Variants in GPC5 observed in about 807,000 individuals in gnomAD.
GPC5 encodes the protein glypican-5.
In GPC5, 47 loss-of-function variants were observed where a neutral mutation model predicts 53.9. The ratio of observed to expected loss-of-function variants is 0.87; its 90% CI spans 0.69 to 1.11. GPC5 has a LOEUF of 1.11. Ranked by LOEUF, GPC5 falls within the 50% of genes most tolerant of loss-of-function variation. The pLI, the probability that GPC5 is intolerant of heterozygous loss-of-function variation, is 0.00. For missense variants in GPC5, 748 were observed against 713.1 expected, an observed-to-expected ratio of 1.05 and a Z score of -0.56; for synonymous variants, 286 against 263.3, an observed-to-expected ratio of 1.09 and a Z score of -0.84.
At chr13:92,511,086 C>T (rs907973221) in intron 7 of GPC5, among the ~76,000 whole-genome samples, 1 of 152,298 alleles carries the variant, frequency 6.6e-6, no homozygotes, top group East Asian at 1.9e-4. Flanking sequence ...GGGTTCATTT[C>T]ATCTGAAAGG....
rs1881567856 is a variant in GPC5, at chr13:92,531,660, A to G, written c.1562-334622A>G. ...TCTGCCTTGCTTCAGTTCAAAAACCATTCCTCAAACTCTTCTGCTCCTATT... is the reference window on the plus strand; with the variant it reads ...TCTGCCTTGCTTCAGTTCAAAAACCGTTCCTCAAACTCTTCTGCTCCTATT... On this transcript the variant is annotated intron_variant, in intron 7 of 7. Coordinates refer to ENST00000377067, the MANE Select transcript of GPC5 (RefSeq NM_004466.6). 2.0e-5 allele frequency among the ~76,000 whole-genome samples: 3 copies of G among 152,128 alleles called. No individual in the cohort carries two copies. In the South Asian group the frequency reaches 6.2e-4, roughly 32 times the overall value.
chr13:91,594,822 G>A lies in GPC5; in HGVS notation c.326-98365G>A, dbSNP rs554867919. On this transcript the variant is annotated intron_variant, in intron 2 of 7. Transcript: ENST00000377067. ...GCCTCTCAAGAAGCTGGGACTAGAG[G>A]GCATACCACCATCTAGCTAATTTTA... Among the ~76,000 whole-genome samples, 6 of 151,770 alleles carry A rather than the reference G, an allele frequency of 4.0e-5. 1 individual carries two copies. The highest frequency in any genetic ancestry group is 1.4e-4 in the African/African-American group (6 of 41,394).
At chr13:91,466,422 C>A (rs979370547) in intron 2 of GPC5, among the ~76,000 whole-genome samples, 1 of 152,112 alleles carries the variant, frequency 6.6e-6, no homozygotes, top group African/African-American at 2.4e-5. Context: ...GTGACAGGAA[C>A]AAACTTTACG....
intron 7 of GPC5, among the ~76,000 whole-genome samples, chr13:92,242,379 T>C (rs191088683): frequency 8.7e-4 from 132 of 152,296 alleles, no homozygotes; most frequent in Non-Finnish European, 8.5e-4. Flanking sequence ...ACCCTACTTG[T>C]AGACCATTTT....
At chr13:91,456,109 T>A (rs1434059840) in intron 2 of GPC5, among the ~76,000 whole-genome samples, 1 of 152,112 alleles carries the variant, frequency 6.6e-6, no homozygotes, top group Non-Finnish European at 1.5e-5. Flanking sequence ...TATCTTCCAG[T>A]CTCTTACATT....
At chr13:92,376,928 G>A (rs910722674) in intron 7 of GPC5, among the ~76,000 whole-genome samples, 9 of 151,876 alleles carry the variant, frequency 5.9e-5, no homozygotes, top group Non-Finnish European at 1.2e-4. Context: ...AGGCAGGAGA[G>A]TTGCTTGAAC....
intron 6 of GPC5, among the ~76,000 whole-genome samples, chr13:91,964,724 C>A (rs9583974): frequency 0.076 from 11,549 of 152,136 alleles, 540 homozygotes; most frequent in Middle Eastern, 0.13. Context: ...CCAGCCATCC[C>A]ATTACTGGGT....
chr13:92,515,570 C>A (rs866312141), intron 7 of GPC5, among the ~76,000 whole-genome samples: 2 of 152,126 alleles, frequency 1.3e-5, no homozygotes, highest in Non-Finnish European at 2.9e-5. Context: ...GTTTTTCAAG[C>A]AGTAGATACA....
rs185484855 is a variant in GPC5 at position 92,427,353 on chromosome 13, A to G, written c.1561+282364A>G. On this transcript the variant is annotated intron_variant, in intron 7 of 7. Coordinates refer to ENST00000377067, the MANE Select transcript of GPC5 (RefSeq NM_004466.6). ...ACGAGATAACTGGCTCTCCCAGAAA[A>G]TGATAACTGATACGATTCTTATTTT... 8.9e-4 allele frequency among the ~76,000 whole-genome samples: 133 copies of G among 149,804 alleles called. 1 individual carries two copies. The highest frequency in any genetic ancestry group is 6.8e-3 in the Admixed American group (100 of 14,744).
intron 7 of GPC5, among the ~76,000 whole-genome samples, chr13:92,221,579 T>C (rs1034867134): frequency 3.9e-5 from 6 of 152,116 alleles, no homozygotes; most frequent in Non-Finnish European, 8.8e-5. Context: ...TCAATTTTGC[T>C]CCCACTGGCA....
intron 2 of GPC5, among the ~76,000 whole-genome samples, chr13:91,609,692 A>G (rs911081646): frequency 6.6e-6 from 1 of 152,208 alleles, no homozygotes; most frequent in Non-Finnish European, 1.5e-5. Flanking sequence ...GCCAGAGTGA[A>G]TGGAATCTTG....
chr13:91,826,007 G>C (rs1463429168), intron 5 of GPC5, among the ~76,000 whole-genome samples: 1 of 152,086 alleles, frequency 6.6e-6, no homozygotes, highest in Non-Finnish European at 1.5e-5. Context: ...CAGTGAGACA[G>C]ATCGTGAAGT....
chr13:92,610,966 A>AT (rs1491291941), intron 7 of GPC5, among the ~76,000 whole-genome samples: 34 of 51,354 alleles, frequency 6.6e-4, no homozygotes, highest in East Asian at 2.4e-3. Context: ...ATCTCAATAC[A>AT]TATTTTTTTT....
intron 5 of GPC5, among the ~76,000 whole-genome samples, chr13:91,765,871 G>T (rs2037512571): frequency 6.6e-6 from 1 of 152,210 alleles, no homozygotes; most frequent in African/African-American, 2.4e-5. Context: ...GTGGGAGAAA[G>T]AGGGTCATAT....
At chr13:92,620,240 A>C (rs1449793108) in intron 7 of GPC5, among the ~76,000 whole-genome samples, 1 of 152,142 alleles carries the variant, frequency 6.6e-6, no homozygotes, top group Non-Finnish European at 1.5e-5. Flanking sequence ...TCAAGAAAAA[A>C]CTTTCAGAAA....
At chr13:92,553,719 A>G (rs953157889) in intron 7 of GPC5, among the ~76,000 whole-genome samples, 3 of 151,966 alleles carry the variant, frequency 2.0e-5, no homozygotes, top group East Asian at 1.9e-4. Context: ...ACAACTTTGT[A>G]GAGCCTTGAA....
chr13:92,157,393 T>A (rs73620861), intron 7 of GPC5, among the ~76,000 whole-genome samples: 1,830 of 152,244 alleles, frequency 0.012, 53 homozygotes, highest in African/African-American at 0.041. Context: ...GTCAATGTGA[T>A]TAGGTCATAT....
chr13:91,657,112 A>G (rs963822539), intron 2 of GPC5, among the ~76,000 whole-genome samples: 3 of 152,168 alleles, frequency 2.0e-5, no homozygotes, highest in Non-Finnish European at 4.4e-5. Context: ...ACATGATACA[A>G]CTAGATTTGC....
intron 5 of GPC5, among the ~76,000 whole-genome samples, chr13:91,780,386 A>T (rs1444875115): frequency 6.6e-6 from 1 of 152,088 alleles, no homozygotes; most frequent in Non-Finnish European, 1.5e-5. Context: ...ATTGCCCCAG[A>T]TTCCTCATGT....
Sources: gnomAD v4.1 joint callset for allele counts (sites outside exome capture counted in the v4.1 genomes callset) on GRCh38, gnomAD v4.1.1 for gene constraint, MANE v1.5 for transcripts, NCBI Gene and HGNC (gene_info 2026-07-23, HGNC 2026-07-21) for gene names.